GNAI3: variants seen among roughly 807,000 people sequenced by gnomAD.
GNAI3 encodes the protein guanine nucleotide-binding protein G(i) subunit alpha-3.
GNAI3 carries 12 observed loss-of-function variants against 41.8 expected under a neutral mutation model. That is an observed-to-expected ratio of 0.29 (90% confidence interval 0.18 to 0.47). The LOEUF (loss-of-function observed/expected upper bound fraction) is 0.47, where lower values mean the gene tolerates loss of function less well. Ranked by LOEUF, GNAI3 falls within the 20% of genes least tolerant of loss-of-function variation. The pLI is 1.00. For synonymous variants in GNAI3, 132 were observed against 146.5 expected (o/e 0.90, Z 0.71); for missense variants, 360 against 429.6 (o/e 0.84, Z 1.43).
At chr1:109,569,887 TTTA>T (rs1648548427) in intron 1 of GNAI3, among the ~76,000 whole-genome samples, 1 of 152,026 alleles carries the variant, frequency 6.6e-6, no homozygotes, top group Admixed American at 6.6e-5. Context: ...GATTAATGGA[TTTA>T]TTATTTCATT....
intron 4 of GNAI3, among the ~76,000 whole-genome samples, chr1:109,580,492 C>T (rs1648865150): frequency 6.6e-6 from 1 of 152,140 alleles, no homozygotes; most frequent in African/African-American, 2.4e-5. Flanking sequence ...TCAGGCTGTG[C>T]ATAAGGACAG....
intron 3 of GNAI3, among the ~76,000 whole-genome samples, chr1:109,578,387 T>C (rs1237307829): frequency 1.4e-5 from 2 of 140,760 alleles, no homozygotes; most frequent in African/African-American, 5.4e-5. Flanking sequence ...GGAGAATCGC[T>C]AGAACCCAGG....
intron 5 of GNAI3, among the ~76,000 whole-genome samples, chr1:109,585,186 A>G (rs1649001902): frequency 6.6e-6 from 1 of 152,208 alleles, no homozygotes; most frequent in African/African-American, 2.4e-5. Flanking sequence ...CATTTTCTTC[A>G]AACACCGATC....
At chr1:109,549,365 A>G (rs527300515) in intron 1 of GNAI3, among the ~76,000 whole-genome samples, 1 of 152,328 alleles carries the variant, frequency 6.6e-6, no homozygotes, top group Admixed American at 6.5e-5. Flanking sequence ...AGCCATTTGA[A>G]CTGTTGGAAG....
intron 1 of GNAI3, among the ~76,000 whole-genome samples, chr1:109,562,121 T>C (rs889422878): frequency 6.6e-5 from 10 of 152,198 alleles, no homozygotes; most frequent in African/African-American, 2.4e-4. Flanking sequence ...TGTGTGTATA[T>C]ATACATACAC....
chr1:109,570,131 A>G (rs1183247386), intron 1 of GNAI3, among the ~76,000 whole-genome samples: 2 of 152,218 alleles, frequency 1.3e-5, no homozygotes, highest in African/African-American at 2.4e-5. Context: ...TCACCTTTTT[A>G]TAACAGCATC....
chr1:109,557,320 T>C (rs1342650155), intron 1 of GNAI3, among the ~76,000 whole-genome samples: 1 of 152,224 alleles, frequency 6.6e-6, no homozygotes, highest in African/African-American at 2.4e-5. Flanking sequence ...ATGCCACTTA[T>C]AGTCTGCCTT....
chr1:109,569,580 A>G (rs1221548550), intron 1 of GNAI3, among the ~76,000 whole-genome samples: 2 of 152,210 alleles, frequency 1.3e-5, no homozygotes. Flanking sequence ...TGGAGCACAG[A>G]GAGTTGAGGT....
At chr1:109,570,189 C>T (rs1046733776) in intron 1 of GNAI3, among the ~76,000 whole-genome samples, 2 of 152,094 alleles carry the variant, frequency 1.3e-5, no homozygotes, top group African/African-American at 2.4e-5. Flanking sequence ...TTTAGTACTA[C>T]CCCTGATTAT....
Position 109,548,757 on chromosome 1 carries a change from GT to G in GNAI3, c.38del (p.Val13GlyfsTer6). ...CTLSAEDKAA[V>X]ERSKMIDRNL... ...GTTGAGCGCCGAAGACAAGGCGGCA[GT>G]GGAGCGAAGCAAGATGATCGACCGC... is the stretch of plus-strand genomic sequence containing the variant. On this transcript the variant is annotated frameshift_variant, in exon 1 of 9. Coordinates refer to ENST00000369851, the MANE Select transcript of GNAI3 (RefSeq NM_006496.4). LOFTEE classifies it high-confidence loss of function. The G allele has an allele frequency of 6.2e-7, 1 of 1,613,760 alleles. No individual in the cohort carries two copies. Among genetic ancestry groups the G allele is most frequent in the South Asian group, 1.1e-5 (1 of 90,968 alleles).
At chr1:109,561,712 A>G (rs1648316156) in intron 1 of GNAI3, among the ~76,000 whole-genome samples, 1 of 152,236 alleles carries the variant, frequency 6.6e-6, no homozygotes, top group Non-Finnish European at 1.5e-5. Flanking sequence ...GGAATAGCCA[A>G]TTTTGTAAGG....
chr1:109,581,353 T>C (rs1230709908), intron 4 of GNAI3, among the ~76,000 whole-genome samples: 1 of 152,072 alleles, frequency 6.6e-6, no homozygotes, highest in East Asian at 1.9e-4. Flanking sequence ...TTACTCACTA[T>C]AGTTCTCTCA....
At chr1:109,576,468 G>C (rs558759945) in intron 3 of GNAI3, among the ~76,000 whole-genome samples, 3 of 151,924 alleles carry the variant, frequency 2.0e-5, no homozygotes, top group South Asian at 4.2e-4. Flanking sequence ...TAAGTGTGGA[G>C]GTGTGAAGTT....
chr1:109,570,746 A>G (rs2101098780), intron 1 of GNAI3, among the ~76,000 whole-genome samples: 1 of 152,364 alleles, frequency 6.6e-6, no homozygotes, highest in Middle Eastern at 3.4e-3. Flanking sequence ...GACAAAGTGG[A>G]GAGTAACAAG....
chr1:109,588,428 GGA>G (rs1221302543), intron 7 of GNAI3, among the ~76,000 whole-genome samples: 1 of 152,022 alleles, frequency 6.6e-6, no homozygotes, highest in Non-Finnish European at 1.5e-5. Flanking sequence ...CAAATTCCAA[GGA>G]GAGAGATTCT....
At chr1:109,554,088 G>A (rs934862232) in intron 1 of GNAI3, among the ~76,000 whole-genome samples, 2 of 152,034 alleles carry the variant, frequency 1.3e-5, no homozygotes, top group Non-Finnish European at 2.9e-5. Context: ...GGGTGTGTGT[G>A]TGTGTGTGTG....
rs577571471 is a variant in GNAI3 at position 109,594,515 on chromosome 1, T to G, written c.*2193T>G. The G allele has an allele frequency of 6.6e-6, 1 of 152,306 alleles. No individual in the cohort carries two copies. Among genetic ancestry groups the G allele is most frequent in the East Asian group, 1.9e-4 (1 of 5,188 alleles). 9.4% of individuals were successfully genotyped at this position (152,306 alleles called of 1,614,324 possible). A position where few individuals can be genotyped will look rare whatever the true frequency, so the allele number is the denominator to read the frequency against. ...ATCACTCTTATTTCACCATCCCAAA[T>G]AACTTATCTAAATGCACATTCCTTG... On this transcript the variant is annotated 3_prime_UTR_variant, in exon 9 of 9. Coordinates refer to ENST00000369851, the MANE Select transcript of GNAI3 (RefSeq NM_006496.4).
chr1:109,557,284 A>G (rs1046435818), intron 1 of GNAI3, among the ~76,000 whole-genome samples: 1 of 152,178 alleles, frequency 6.6e-6, no homozygotes, highest in Non-Finnish European at 1.5e-5. Flanking sequence ...ATGATCCTCT[A>G]TTTTTGAAAC....
At chr1:109,588,604 A>G (rs1025488786) in intron 7 of GNAI3, among the ~76,000 whole-genome samples, 1 of 151,966 alleles carries the variant, frequency 6.6e-6, no homozygotes, top group African/African-American at 2.4e-5. Flanking sequence ...GCTTTCTATA[A>G]TAAAGTGAGG....
Sources: allele counts gnomAD v4.1 joint callset (sites outside exome capture counted in the v4.1 genomes callset), GRCh38; gene constraint gnomAD v4.1.1; transcripts MANE v1.5; gene names NCBI Gene and HGNC (gene_info 2026-07-23, HGNC 2026-07-21).